The following LRRTM4 variants were observed in gnomAD, a reference collection of about 807,000 sequenced individuals.
The protein encoded by LRRTM4 is leucine rich repeat transmembrane neuronal 4, also known as leucine-rich repeat transmembrane neuronal protein 4.
LRRTM4 carries 25 observed loss-of-function variants against 47.6 expected under a neutral mutation model. The observed-to-expected ratio is 0.53, with a 90% CI of 0.38 to 0.73. The LOEUF (loss-of-function observed/expected upper bound fraction) is 0.73. Among genes scored for constraint, LRRTM4 ranks in the 30% least tolerant of loss-of-function variants. The pLI is 0.00. For missense variants in LRRTM4, 638 were observed against 713.4 expected (o/e 0.89, Z 1.20); for synonymous variants, 311 against 269.5 (o/e 1.15, Z -1.51).
intron 3 of LRRTM4, among the ~76,000 whole-genome samples, chr2:77,159,135 A>G (rs1364830104): frequency 1.3e-5 from 2 of 152,152 alleles, no homozygotes; most frequent in African/African-American, 4.8e-5. Context: ...AAAGTATCTT[A>G]TTTGGAAGAA....
At chr2:77,486,436 T>C (rs1224936181) in intron 3 of LRRTM4, among the ~76,000 whole-genome samples, 1 of 152,164 alleles carries the variant, frequency 6.6e-6, no homozygotes, top group East Asian at 1.9e-4. Context: ...TGTAATGTAA[T>C]ATAAGAAACT....
chr2:77,203,326 G>A (rs1674030172), intron 3 of LRRTM4, among the ~76,000 whole-genome samples: 1 of 152,024 alleles, frequency 6.6e-6, no homozygotes, highest in Non-Finnish European at 1.5e-5. Context: ...ATACAACCTT[G>A]ACTCCTGGAG....
At chr2:76,800,255 A>C (rs1245661012) in intron 3 of LRRTM4, among the ~76,000 whole-genome samples, 1 of 148,856 alleles carries the variant, frequency 6.7e-6, no homozygotes, top group Admixed American at 6.7e-5. Flanking sequence ...CAAAACAGAG[A>C]TATAGATCAA....
At chr2:77,103,901 G>T (rs1327908073) in intron 3 of LRRTM4, among the ~76,000 whole-genome samples, 3 of 151,810 alleles carry the variant, frequency 2.0e-5, no homozygotes, top group Admixed American at 6.6e-5. Flanking sequence ...TAAATAAAAA[G>T]AATTCAATGA....
At chr2:76,785,241 C>G (rs1056609966) in intron 3 of LRRTM4, among the ~76,000 whole-genome samples, 19 of 152,038 alleles carry the variant, frequency 1.2e-4, no homozygotes, top group African/African-American at 3.6e-4. Flanking sequence ...ATTTGCAGTA[C>G]TTGTATTGAG....
At chr2:77,312,010 A>T (rs573837996) in intron 3 of LRRTM4, among the ~76,000 whole-genome samples, 34 of 152,134 alleles carry the variant, frequency 2.2e-4, no homozygotes, top group African/African-American at 7.2e-4. Context: ...CCCTTTTGTC[A>T]TCCCTCAATA....
intron 3 of LRRTM4, among the ~76,000 whole-genome samples, chr2:77,204,280 G>A (rs1461112547): frequency 1.3e-5 from 2 of 152,086 alleles, no homozygotes; most frequent in African/African-American, 4.8e-5. Context: ...AGTGCTTACT[G>A]CTAAGGTTGT....
chr2:77,202,407 T>G (rs920298738), intron 3 of LRRTM4, among the ~76,000 whole-genome samples: 1 of 152,108 alleles, frequency 6.6e-6, no homozygotes, highest in African/African-American at 2.4e-5. Flanking sequence ...CAATTATTAT[T>G]AGAAGTAGCA....
chr2:77,292,812 C>T (rs1288145461), intron 3 of LRRTM4, among the ~76,000 whole-genome samples: 2 of 150,986 alleles, frequency 1.3e-5, no homozygotes, highest in African/African-American at 2.4e-5. Context: ...CTAACCTGCA[C>T]ATTGTGCACA....
chr2:77,371,680 C>T (rs1672661914), intron 3 of LRRTM4, among the ~76,000 whole-genome samples: 1 of 151,714 alleles, frequency 6.6e-6, no homozygotes, highest in Non-Finnish European at 1.5e-5. Context: ...TAAGTCCTGA[C>T]TACACTAATT....
intron 3 of LRRTM4, among the ~76,000 whole-genome samples, chr2:77,454,487 G>A (rs1676437424): frequency 6.6e-6 from 1 of 151,732 alleles, no homozygotes; most frequent in African/African-American, 2.4e-5. Context: ...ATATTTAATT[G>A]AATTGCACCA....
chr2:76,781,181 C>T (rs1674365344), intron 3 of LRRTM4, among the ~76,000 whole-genome samples: 1 of 152,268 alleles, frequency 6.6e-6, no homozygotes, highest in Non-Finnish European at 1.5e-5. Flanking sequence ...ACATTTAAGT[C>T]TGCAGAGGTT....
At chr2:77,449,786 A>G (rs993866535) in intron 3 of LRRTM4, among the ~76,000 whole-genome samples, 6 of 152,206 alleles carry the variant, frequency 3.9e-5, no homozygotes, top group East Asian at 1.9e-4. Flanking sequence ...TGTTGCTTCA[A>G]TGGATCAATT....
intron 3 of LRRTM4, among the ~76,000 whole-genome samples, chr2:76,888,461 T>G (rs1411177163): frequency 2.0e-5 from 3 of 151,400 alleles, no homozygotes; most frequent in African/African-American, 4.8e-5. Flanking sequence ...TGGTAACTTA[T>G]TTTTTTATAT....
At chr2:76,938,391 ATTG>A (rs976615084) in intron 3 of LRRTM4, among the ~76,000 whole-genome samples, 7 of 151,630 alleles carry the variant, frequency 4.6e-5, no homozygotes, top group African/African-American at 1.7e-4. Context: ...AAGAATATAA[ATTG>A]TTAAAATTTT....
chr2:76,807,463 T>TAC (rs1436867788), intron 3 of LRRTM4, among the ~76,000 whole-genome samples: 2 of 99,534 alleles, frequency 2.0e-5, no homozygotes, highest in Non-Finnish European at 3.6e-5. Context: ...TATATACATA[T>TAC]ATATATACAT....
rs543137911 is a variant in LRRTM4 at position 76,930,418 on chromosome 2, CTTATT to C, written c.1552-181507_1552-181503del. On this transcript the variant is annotated intron_variant, in intron 3 of 3. Transcript: ENST00000409884. ...ACGTGTCTGTGCTATGGGTTTTGTT[CTTATT>C]TTATTATTTTCTTCCTTTTTGCACA... Among the ~76,000 whole-genome samples the C allele has an allele frequency of 4.1e-3, 620 of 152,174 alleles. 1 individual carries two copies. The highest frequency in any genetic ancestry group is 0.014 in the African/African-American group (599 of 41,498).
chr2:76,832,544 GATGA>G (rs1200942380), intron 3 of LRRTM4, among the ~76,000 whole-genome samples: 3 of 149,398 alleles, frequency 2.0e-5, no homozygotes, highest in Non-Finnish European at 4.4e-5. Flanking sequence ...ATTTCTTGAG[GATGA>G]ATGAATATTT....
intron 3 of LRRTM4, among the ~76,000 whole-genome samples, chr2:76,795,676 T>A (rs1178287231): frequency 6.6e-6 from 1 of 152,130 alleles, no homozygotes; most frequent in Non-Finnish European, 1.5e-5. Context: ...AACATTTCAA[T>A]GAACATGATG....
Sources: allele counts gnomAD v4.1 joint callset (sites outside exome capture counted in the v4.1 genomes callset), GRCh38; gene constraint gnomAD v4.1.1; transcripts MANE v1.5; gene names NCBI Gene and HGNC (gene_info 2026-07-23, HGNC 2026-07-21).